The following C10orf71 variants were observed in gnomAD, a reference collection of about 807,000 sequenced individuals.
C10orf71 encodes cardiac-enriched FHL2-interacting protein.
For missense variants in C10orf71, 1,869 were observed against 1,804.5 expected, an observed-to-expected ratio of 1.04 and a Z score of -0.65; for synonymous variants, 758 against 726.3, an observed-to-expected ratio of 1.04 and a Z score of -0.70.
chr10:49,320,121 T>C (rs548019495), intron 2 of C10orf71, among the ~76,000 whole-genome samples: 1 of 152,296 alleles, frequency 6.6e-6, no homozygotes, highest in South Asian at 2.1e-4. Flanking sequence ...TCAAATGAAA[T>C]GTTTATATTA....
Position 49,323,673 on chromosome 10 carries a change from A to G in C10orf71, c.1128A>G (p.Pro376=). 3.1e-6 allele frequency: 5 copies of G among 1,611,016 alleles called. No homozygotes were observed. In the Middle Eastern group the frequency reaches 5.0e-4, roughly 160 times the overall value. Residue 376 remains proline, a synonymous_variant, in exon 3 of 3, where the codon CCA becomes CCG. Coordinates refer to ENST00000374144, the MANE Select transcript of C10orf71 (RefSeq NM_001135196.2). ...CACAACCTGATTCTCAAGAGAAGCC[A>G]GCCCAGCCCCCATGGAGGAAGCCAA... The part of the protein sequence containing the change: ...PSSQPDSQEK[P]AQPPWRKPKT...
rs1483069489 is a variant in C10orf71 at position 49,326,120 on chromosome 10, G to T, written c.3575G>T (p.Arg1192Met). ...GCAAAGAAGCTGGCAAGTAAGAGGA[G>T]GAAGACGGATCAGGCTCAGGAGAAG... is the stretch of plus-strand genomic sequence containing the variant. ...RRAKKLASKRRKTDQAQEKHG... is the reference protein window; with the variant it reads ...RRAKKLASKRMKTDQAQEKHG... Residue 1192 changes from arginine to methionine, a missense_variant, in exon 3 of 3, where the codon AGG becomes ATG. Arg to Met is a moderately conservative substitution (Grantham distance 91). Coordinates refer to ENST00000374144, the MANE Select transcript of C10orf71 (RefSeq NM_001135196.2). 5.2e-6 allele frequency: 8 copies of T among 1,551,734 alleles called. No homozygotes were observed. The South Asian group carries it at 8.3e-5, about 16-fold the overall frequency.
In C10orf71 at chr10:49,325,582, G is replaced by C. The variant is rs1336984884; in HGVS notation, c.3037G>C (p.Asp1013His). ...TIALPEGDIE[D>H]QPPPWQPENC... is the part of the protein sequence containing the mutation. ...TGCTTTACCCGAGGGTGACATAGAAGACCAGCCACCCCCATGGCAGCCCGA... is the reference window on the plus strand; with the variant it reads ...TGCTTTACCCGAGGGTGACATAGAACACCAGCCACCCCCATGGCAGCCCGA... The change falls in exon 3 of 3, where the codon GAC becomes CAC. Residue 1013 changes from aspartate (D) to histidine (H), a missense_variant. Transcript: ENST00000374144. 11 of 1,550,782 alleles carry C rather than the reference G, an allele frequency of 7.1e-6. No individual in the cohort carries two copies. The Middle Eastern group carries it at 5.0e-4, about 70-fold the overall frequency.
rs183688709 is a variant in C10orf71, at chr10:49,303,580, G to A, written c.-248+4347G>A. On this transcript the variant is annotated intron_variant, in intron 1 of 2. Transcript: ENST00000374144. ...CAGCCCCGAGGGCATTCTGAAAAGT[G>A]TGAGGATGCTTCCTTAAGAAGGGAA... is the stretch of plus-strand genomic sequence containing the variant. Among the ~76,000 whole-genome samples, 195 of 152,320 alleles carry A rather than the reference G, an allele frequency of 1.3e-3. 2 individuals are homozygous for A. Among genetic ancestry groups the A allele is most frequent in the Middle Eastern group, 6.8e-3 (2 of 294 alleles).
intron 2 of C10orf71, among the ~76,000 whole-genome samples, chr10:49,318,059 G>C (rs948895209): frequency 6.6e-6 from 1 of 151,694 alleles, no homozygotes; most frequent in Admixed American, 6.6e-5. Flanking sequence ...AGAACTGTGC[G>C]GCAATACATT....
At position 49,323,361 on chromosome 10, in the gene C10orf71, T is replaced by A; in HGVS notation, c.816T>A (p.Ser272Arg). The A allele has an allele frequency of 6.2e-7, 1 of 1,613,854 alleles. No individual in the cohort carries two copies. The highest frequency in any genetic ancestry group is 8.5e-7 in the Non-Finnish European group (1 of 1,179,830). The change falls in exon 3 of 3, where the codon AGT becomes AGA. Residue 272 changes from serine to arginine, a missense_variant. Transcript: ENST00000374144. The part of the protein sequence containing the change: ...PGRGKGTFLH[S>R]ENSAFESWNA... ...GAGGCAAAGGTACCTTTCTGCACAG[T>A]GAAAATAGTGCTTTTGAGTCATGGA...
intron 1 of C10orf71, among the ~76,000 whole-genome samples, chr10:49,300,498 TGTTAGAATA>T (rs1440735621): frequency 6.7e-6 from 1 of 148,154 alleles, no homozygotes; most frequent in Non-Finnish European, 1.5e-5. Context: ...AAGTTCTTGC[TGTTAGAATA>T]GTTTGTAAGC....
rs1046065382 is a variant in C10orf71 at position 49,326,813 on chromosome 10, C to G, written c.4268C>G (p.Thr1423Ser). Residue 1423 changes from threonine to serine, a missense_variant, in exon 3 of 3, where the codon ACT becomes AGT. Physicochemically the swap from Thr to Ser is moderately conservative, Grantham distance 58. Transcript: ENST00000374144. ...VEAPGLGIISTDDLEDFATEG... is the reference protein window; with the variant it reads ...VEAPGLGIISSDDLEDFATEG... ...GCTCCAGGCCTGGGCATCATCTCCA[C>G]TGATGACCTAGAGGACTTTGCCACA... is the stretch of plus-strand genomic sequence containing the variant. 1 of 1,548,882 alleles carries G rather than the reference C, an allele frequency of 6.5e-7. No homozygotes were observed. The highest frequency in any genetic ancestry group is 8.7e-7 in the Non-Finnish European group (1 of 1,146,880).
Position 49,325,564 on chromosome 10 carries a change from C to T in C10orf71, c.3019C>T (p.Pro1007Ser). Reference sequence around the variant, plus strand: ...ATGGCACATCCCCACCATTGCTTTACCCGAGGGTGACATAGAAGACCAGCC... The same window carrying T: ...ATGGCACATCCCCACCATTGCTTTATCCGAGGGTGACATAGAAGACCAGCC... Reference protein sequence around the residue: ...APWHIPTIALPEGDIEDQPPP... With the variant: ...APWHIPTIALSEGDIEDQPPP... The change falls in exon 3 of 3, where the codon CCC becomes TCC. Residue 1007 changes from proline to serine, a missense_variant. By Grantham distance (74) the Pro-to-Ser change is moderately conservative. Transcript: ENST00000374144. The T allele has an allele frequency of 6.4e-7, 1 of 1,550,716 alleles. No individual in the cohort carries two copies. The highest frequency in any genetic ancestry group is 8.7e-7 in the Non-Finnish European group (1 of 1,146,140).
rs1035760068 is a variant in C10orf71 at position 49,322,450 on chromosome 10, C to G, written c.-96C>G. 3 of 1,401,326 alleles carry G rather than the reference C, an allele frequency of 2.1e-6. No individual in the cohort carries two copies. The allele number at this position is 1,401,326 out of a possible 1,614,324, so 86.8% of individuals were successfully genotyped here. A position where few individuals can be genotyped will look rare whatever the true frequency, so the allele number is the denominator to read the frequency against. ...GCAATTGCATCTGGTCAATGAGAGG[C>G]TCTAGTTTTGGGGAAGAGGGAAACA... On this transcript the variant is annotated 5_prime_UTR_variant, in exon 3 of 3. Coordinates refer to ENST00000374144, the MANE Select transcript of C10orf71 (RefSeq NM_001135196.2).
chr10:49,310,045 G>A (rs1299293530), intron 1 of C10orf71, among the ~76,000 whole-genome samples: 1 of 152,182 alleles, frequency 6.6e-6, no homozygotes, highest in African/African-American at 2.4e-5. Context: ...AAACCCCAGT[G>A]GCTTCCTGTG....
Position 49,323,236 on chromosome 10 carries a change from G to A in C10orf71, c.691G>A (p.Gly231Ser), listed in dbSNP as rs183879740. The A allele has an allele frequency of 3.2e-5, 52 of 1,613,810 alleles. No individual in the cohort carries two copies. Among genetic ancestry groups the A allele is most frequent in the African/African-American group, 2.7e-4 (20 of 75,014 alleles). ...SSKNPEMACH[G>S]SSSFLPAAND... ...CAAGAATCCAGAAATGGCCTGTCAC[G>A]GCTCCAGCAGCTTCCTCCCAGCAGC... is the stretch of plus-strand genomic sequence containing the variant. The change falls in exon 3 of 3, where the codon GGC (glycine) becomes AGC (serine). Residue 231 changes from glycine to serine, a missense_variant. Transcript: ENST00000374144.
At chr10:49,300,428 C>T (rs192687349) in intron 1 of C10orf71, among the ~76,000 whole-genome samples, 35 of 104,800 alleles carry the variant, frequency 3.3e-4, no homozygotes, top group African/African-American at 1.4e-3. Context: ...CACTGTGTTA[C>T]AAGAACACAT....
chr10:49,311,326 G>C (rs1011072303), intron 1 of C10orf71, among the ~76,000 whole-genome samples: 8 of 152,354 alleles, frequency 5.3e-5, no homozygotes, highest in African/African-American at 1.9e-4. Flanking sequence ...GACACATGAG[G>C]GTCTGGGATA....
At chr10:49,306,730 G>A (rs1848820496) in intron 1 of C10orf71, among the ~76,000 whole-genome samples, 3 of 152,202 alleles carry the variant, frequency 2.0e-5, no homozygotes, top group South Asian at 4.1e-4. Context: ...AGATGAGAAA[G>A]GCTCTCACAT....
Position 49,326,780 on chromosome 10 carries a change from G to T in C10orf71, c.4235G>T (p.Gly1412Val). Reference sequence around the variant, plus strand: ...CCTCCCCAGAGCCCAGGAGAGGAGGGTGTAGAAGCTCCAGGCCTGGGCATC... The same window carrying T: ...CCTCCCCAGAGCCCAGGAGAGGAGGTTGTAGAAGCTCCAGGCCTGGGCATC... The part of the protein sequence containing the change: ...HGPPQSPGEE[G>V]VEAPGLGIIS... Residue 1412 changes from glycine to valine, a missense_variant, in exon 3 of 3, where the codon GGT becomes GTT. Coordinates refer to ENST00000374144, the MANE Select transcript of C10orf71 (RefSeq NM_001135196.2). 6.4e-7 allele frequency: 1 copy of T among 1,550,778 alleles called. No individual in the cohort carries two copies. The highest frequency in any genetic ancestry group is 1.2e-5 in the South Asian group (1 of 84,056).
chr10:49,323,686 T>G lies in C10orf71; in HGVS notation c.1141T>G (p.Trp381Gly), dbSNP rs769959614. The stretch of plus-strand genomic sequence containing the variant: ...TCAAGAGAAGCCAGCCCAGCCCCCA[T>G]GGAGGAAGCCAAAGACTGGCAAAAA... ...DSQEKPAQPP[W>G]RKPKTGKKGK... is the part of the protein sequence containing the mutation. Residue 381 changes from tryptophan to glycine, a missense_variant, in exon 3 of 3, where the codon TGG (tryptophan) becomes GGG (glycine). By Grantham distance (184) the Trp-to-Gly change is radical (BLOSUM62 -2). Transcript: ENST00000374144. 2.5e-6 allele frequency: 4 copies of G among 1,613,476 alleles called. No individual in the cohort carries two copies. In the South Asian group the frequency reaches 4.4e-5, roughly 18 times the overall value.
At chr10:49,314,167 T>G (rs1246101871) in intron 1 of C10orf71, among the ~76,000 whole-genome samples, 1 of 151,368 alleles carries the variant, frequency 6.6e-6, no homozygotes, top group Non-Finnish European at 1.5e-5. Context: ...CAGGAAGGAG[T>G]GGGGGCCAGA....
rs770899878 is a variant in C10orf71 at position 49,325,864 on chromosome 10, G to T, written c.3319G>T (p.Val1107Phe). 3.2e-6 allele frequency: 5 copies of T among 1,550,192 alleles called. No individual in the cohort carries two copies. The African/African-American group carries it at 4.1e-5, about 13-fold the overall frequency. Reference sequence around the variant, plus strand: ...CTGGGCCAGCTCCAGTCCTGCCAGGGTCACCCGGAGGGAGGACCTGACCCA... The same window carrying T: ...CTGGGCCAGCTCCAGTCCTGCCAGGTTCACCCGGAGGGAGGACCTGACCCA... ...SPWASSSPAR[V>F]TRREDLTHAL... Residue 1107 changes from valine to phenylalanine, a missense_variant, in exon 3 of 3, where the codon GTC (valine) becomes TTC (phenylalanine). Coordinates refer to ENST00000374144, the MANE Select transcript of C10orf71 (RefSeq NM_001135196.2).
Sources: allele counts gnomAD v4.1 joint callset (sites outside exome capture counted in the v4.1 genomes callset), GRCh38; gene constraint gnomAD v4.1.1; transcripts MANE v1.5; gene names NCBI Gene and HGNC (gene_info 2026-07-23, HGNC 2026-07-21).